The following OCA2 variants were observed in gnomAD, a reference collection of about 807,000 sequenced individuals.
OCA2 encodes OCA2 melanosomal transmembrane protein, also known as P protein.
In OCA2, 77 loss-of-function variants were observed where a neutral mutation model predicts 100.2. The observed-to-expected ratio is 0.77, with a 90% CI of 0.64 to 0.93. The LOEUF (loss-of-function observed/expected upper bound fraction) is 0.93. OCA2 is among the 40% of genes least tolerant of loss of function. The pLI, the probability that OCA2 is intolerant of heterozygous loss-of-function variation, is 0.00. For synonymous variants in OCA2, 432 were observed against 439.2 expected, an observed-to-expected ratio of 0.98 and a Z score of 0.21; for missense variants, 1,062 against 1,089.1, an observed-to-expected ratio of 0.98 and a Z score of 0.35.
intron 23 of OCA2, among the ~76,000 whole-genome samples, chr15:27,769,915 C>T (rs1203821238): frequency 6.6e-6 from 1 of 151,966 alleles, no homozygotes; most frequent in African/African-American, 2.4e-5. Context: ...GGCCTGTGCG[C>T]GGCCCCTCTG....
Position 27,890,180 on chromosome 15 carries a change from A to G in OCA2, c.2080-18258T>C, listed in dbSNP as rs1384024273. On this transcript the variant is annotated intron_variant, in intron 19 of 23. Transcript: ENST00000354638. ...AAAATATATTTTTTTAAAAGGGCAG[A>G]GGTGGAATGGAGCCTCAGGGAACTG... Among the ~76,000 whole-genome samples the G allele has an allele frequency of 2.0e-5, 3 of 152,360 alleles. No individual in the cohort carries two copies. In the East Asian group the frequency reaches 5.8e-4, roughly 29 times the overall value.
At chr15:27,748,593 A>G in the OCA2 span, among the ~76,000 whole-genome samples, 1 of 152,172 alleles carries the variant, frequency 6.6e-6, no homozygotes, top group Non-Finnish European at 1.5e-5. Context: ...AATATAATCC[A>G]TAATGTCCTA....
intron 18 of OCA2, among the ~76,000 whole-genome samples, chr15:27,933,181 C>T (rs963720659): frequency 3.3e-5 from 5 of 152,002 alleles, no homozygotes; most frequent in African/African-American, 4.8e-5. Context: ...AATTCAAAAT[C>T]GATTAGAGAC....
chr15:27,864,662 A>C (rs2036255475), intron 21 of OCA2, among the ~76,000 whole-genome samples: 1 of 152,180 alleles, frequency 6.6e-6, no homozygotes, highest in African/African-American at 2.4e-5. Context: ...AGTGCCAACA[A>C]GTCAGTTGAA....
chr15:27,829,282 T>TAGAC (rs2034855376), intron 23 of OCA2, among the ~76,000 whole-genome samples: 1 of 75,762 alleles, frequency 1.3e-5, no homozygotes, highest in African/African-American at 1.0e-4. Context: ...AGATAGATGA[T>TAGAC]AGATAGATAG....
intron 19 of OCA2, among the ~76,000 whole-genome samples, chr15:27,914,085 T>C (rs891791544): frequency 6.6e-6 from 1 of 152,024 alleles, no homozygotes. Flanking sequence ...GTGCAACATA[T>C]GCAAATCAAT....
chr15:28,079,026 C>A (rs2044526804), intron 2 of OCA2, among the ~76,000 whole-genome samples: 1 of 152,192 alleles, frequency 6.6e-6, no homozygotes. Flanking sequence ...CCTGCAGAAA[C>A]AACAGAAAAC....
At chr15:27,997,466 C>T (rs1218773859) in intron 9 of OCA2, among the ~76,000 whole-genome samples, 4 of 150,724 alleles carry the variant, frequency 2.7e-5, no homozygotes, top group African/African-American at 7.3e-5. Flanking sequence ...TTTCTCAGGT[C>T]TGTCAAAGAT....
At chr15:28,004,463 A>T (rs1016677782) in intron 9 of OCA2, among the ~76,000 whole-genome samples, 2 of 152,166 alleles carry the variant, frequency 1.3e-5, no homozygotes, top group Non-Finnish European at 2.9e-5. Context: ...GGGCACCCGG[A>T]CCGTCTGGCA....
rs71414518 is a variant in OCA2, at chr15:27,814,951, G to GAT, written c.2432+30006_2432+30007dup. ...AGATAGATAGATAGATAGATACAGA[G>GAT]ATATATATATATATATCTTCTTTAT... On this transcript the variant is annotated intron_variant, in intron 23 of 23. Coordinates refer to ENST00000354638, the MANE Select transcript of OCA2 (RefSeq NM_000275.3). Among the ~76,000 whole-genome samples the GAT allele has an allele frequency of 4.6e-3, 687 of 148,750 alleles. 9 individuals are homozygous for GAT. Among genetic ancestry groups the GAT allele is most frequent in the African/African-American group, 0.014 (559 of 40,318 alleles).
At chr15:28,080,695 G>A (rs1489471154) in intron 2 of OCA2, among the ~76,000 whole-genome samples, 2 of 152,304 alleles carry the variant, frequency 1.3e-5, no homozygotes, top group Middle Eastern at 3.4e-3. Context: ...GTACTGCAGG[G>A]GTCGGAGCTC....
intron 18 of OCA2, among the ~76,000 whole-genome samples, chr15:27,949,618 G>A (rs942369590): frequency 1.8e-4 from 27 of 152,120 alleles, no homozygotes; most frequent in African/African-American, 6.0e-4. Context: ...AGTTGAGATT[G>A]TGCCACTGCA....
chr15:27,937,212 CA>C (rs2039487490), intron 18 of OCA2, among the ~76,000 whole-genome samples: 1 of 152,104 alleles, frequency 6.6e-6, no homozygotes, highest in Non-Finnish European at 1.5e-5. Context: ...TTCTTTTGGC[CA>C]ACACATTTGT....
chr15:28,070,982 A>T (rs531900404), intron 2 of OCA2, among the ~76,000 whole-genome samples: 1 of 145,198 alleles, frequency 6.9e-6, no homozygotes, highest in East Asian at 2.0e-4. Context: ...GTTAAGAGTC[A>T]TCACCAATCC....
rs1263195991 is a variant in OCA2 at position 27,990,588 on chromosome 15, A to AGCCAGTGCT, written c.1095_1103dup (p.Ala366_Ala368dup). On this transcript the variant is annotated inframe_insertion, in exon 10 of 24. Transcript: ENST00000354638. Reference sequence around the variant, plus strand: ...TGTGACAACTTACATCGCCAATCACAGCCAGTGCTGCCAGTGCTGCAAGGG... The same window carrying AGCCAGTGCT: ...TGTGACAACTTACATCGCCAATCACAGCCAGTGCTGCCAGTGCTGCCAGTGCTGCAAGGG... 1.2e-6 allele frequency: 2 copies of AGCCAGTGCT among 1,614,088 alleles called. No individual in the cohort carries two copies. The highest frequency in any genetic ancestry group is 1.7e-6 in the Non-Finnish European group (2 of 1,180,000).
At chr15:27,765,905 G>C (rs1363111489) in intron 23 of OCA2, among the ~76,000 whole-genome samples, 4 of 152,186 alleles carry the variant, frequency 2.6e-5, no homozygotes, top group Admixed American at 6.5e-5. Flanking sequence ...TTATCAGCAA[G>C]GTCTTTGTGA....
chr15:28,032,050 G>C lies in OCA2; in HGVS notation c.326+15C>G. On this transcript the variant is annotated intron_variant, in intron 3 of 23. Transcript: ENST00000354638. ...CAGAAACTCTTACTTTCATATGAGG[G>C]GGAAAATATCTCACCCTTTCTCCTG... 6.3e-7 allele frequency: 1 copy of C among 1,591,212 alleles called. No homozygotes were observed. Among genetic ancestry groups the C allele is most frequent in the Non-Finnish European group, 8.6e-7 (1 of 1,159,058 alleles).
intron 23 of OCA2, among the ~76,000 whole-genome samples, chr15:27,768,475 C>CA (rs2031458245): frequency 6.6e-6 from 1 of 152,110 alleles, no homozygotes; most frequent in African/African-American, 2.4e-5. Flanking sequence ...ATTTGTGATA[C>CA]AAAGAACAAT....
intron 23 of OCA2, among the ~76,000 whole-genome samples, chr15:27,840,899 C>A (rs1042468382): frequency 6.6e-6 from 1 of 152,134 alleles, no homozygotes; most frequent in East Asian, 1.9e-4. Flanking sequence ...ATGCTTTTGA[C>A]ACCAAAAACA....
Sources: gnomAD v4.1 joint callset for allele counts (sites outside exome capture counted in the v4.1 genomes callset) on GRCh38, gnomAD v4.1.1 for gene constraint, MANE v1.5 for transcripts, NCBI Gene and HGNC (gene_info 2026-07-23, HGNC 2026-07-21) for gene names.